APOBEC3C: variants seen among roughly 807,000 people sequenced by gnomAD.
APOBEC3C encodes apolipoprotein B mRNA editing enzyme catalytic subunit 3C.
In APOBEC3C, 14 loss-of-function variants were observed where a neutral mutation model predicts 20.6. The observed-to-expected ratio is 0.68, with a 90% CI of 0.45 to 1.06. The LOEUF (loss-of-function observed/expected upper bound fraction) is 1.06. APOBEC3C is among the 50% of genes least tolerant of loss of function. The pLI, the probability that APOBEC3C is intolerant of heterozygous loss-of-function variation, is 0.00. For missense variants in APOBEC3C, 244 were observed against 241.9 expected (o/e 1.01, Z -0.06); for synonymous variants, 98 against 88.8 (o/e 1.10, Z -0.58).
rs899655435 is a variant in APOBEC3C at position 39,019,335 on chromosome 22, A to G, written c.*948A>G. On this transcript the variant is annotated 3_prime_UTR_variant, in exon 4 of 4. Coordinates refer to ENST00000361441, the MANE Select transcript of APOBEC3C (RefSeq NM_014508.3). ...AACCTCCCAGCTCCCAGCCCTTCCT[A>G]GTGCCCATGGGCTTTACATAGGGCA... is the stretch of plus-strand genomic sequence containing the variant. 6.6e-6 allele frequency: 1 copy of G among 152,214 alleles called. No homozygotes were observed. Among genetic ancestry groups the G allele is most frequent in the Non-Finnish European group, 1.5e-5 (1 of 68,046 alleles). 9.4% of individuals were successfully genotyped at this position (152,214 alleles called of 1,614,324 possible). A position where few individuals can be genotyped will look rare whatever the true frequency, so the allele number is the denominator to read the frequency against.
rs1205344266 is a variant in APOBEC3C, at chr22:39,020,171, C to G, written c.*1784C>G. 6.6e-6 allele frequency: 1 copy of G among 152,202 alleles called. No individual in the cohort carries two copies. The highest frequency in any genetic ancestry group is 6.5e-5 in the Admixed American group (1 of 15,270). The allele number at this position is 152,202 out of a possible 1,614,324, so 9.4% of individuals were successfully genotyped here. Reference sequence around the variant, plus strand: ...CCTACATGAATATTCATAGCTCCTCCTGTAGCCTGTTGAATATGTATGTTT... The same window carrying G: ...CCTACATGAATATTCATAGCTCCTCGTGTAGCCTGTTGAATATGTATGTTT... On this transcript the variant is annotated 3_prime_UTR_variant, in exon 4 of 4. Coordinates refer to ENST00000361441, the MANE Select transcript of APOBEC3C (RefSeq NM_014508.3).
chr22:39,016,905 T>A (rs1334856264), intron 2 of APOBEC3C, among the ~76,000 whole-genome samples: 1 of 151,754 alleles, frequency 6.6e-6, no homozygotes, highest in East Asian at 1.9e-4. Flanking sequence ...CACACATGAG[T>A]CTATGAGACA....
chr22:39,018,079 G>A, intron 3 of APOBEC3C, 34 bp downstream of exon 3: 2 of 1,608,608 alleles, frequency 1.2e-6, no homozygotes, highest in Non-Finnish European at 1.7e-6. Flanking sequence ...AGTGGGTGCA[G>A]GAGGGACAGC....
chr22:39,017,956 G>A lies in APOBEC3C; in HGVS notation c.365G>A (p.Arg122His), dbSNP rs1411054991. The change falls in exon 3 of 4, where the codon CGC becomes CAC. Residue 122 changes from arginine (R) to histidine (H), a missense_variant. By Grantham distance (29) the Arg-to-His change is conservative. Coordinates refer to ENST00000361441, the MANE Select transcript of APOBEC3C (RefSeq NM_014508.3). ...GTGAATCTCACCATCTTCACCGCCC[G>A]CCTCTACTACTTCCAGTATCCATGT... ...SNVNLTIFTARLYYFQYPCYQ... is the reference protein window; with the variant it reads ...SNVNLTIFTAHLYYFQYPCYQ... 3.1e-6 allele frequency: 5 copies of A among 1,614,086 alleles called. No individual in the cohort carries two copies. Among genetic ancestry groups the A allele is most frequent in the Admixed American group, 1.7e-5 (1 of 60,002 alleles).
intron 2 of APOBEC3C, among the ~76,000 whole-genome samples, chr22:39,016,388 T>TC (rs1924787372): frequency 6.8e-6 from 1 of 147,324 alleles, no homozygotes; most frequent in African/African-American, 2.5e-5. Flanking sequence ...TTTCTTTTTT[T>TC]TTTTTTTTTT....
At chr22:39,015,856 C>G in intron 2 of APOBEC3C, 105 bp downstream of exon 2, 1 of 1,017,704 alleles carries the variant, frequency 9.8e-7, no homozygotes, top group African/African-American at 1.7e-5. Context: ...CCTGTGTGCA[C>G]TTTCCTGCCA....
In APOBEC3C at chr22:39,020,051, C is replaced by T. The variant is rs577741593; in HGVS notation, c.*1664C>T. The T allele has an allele frequency of 3.3e-5, 5 of 152,318 alleles. No individual in the cohort carries two copies. In the East Asian group the frequency reaches 5.8e-4, roughly 18 times the overall value. 9.4% of individuals were successfully genotyped at this position (152,318 alleles called of 1,614,324 possible). A position where few individuals can be genotyped will look rare whatever the true frequency, so the allele number is the denominator to read the frequency against. On this transcript the variant is annotated 3_prime_UTR_variant, in exon 4 of 4. Coordinates refer to ENST00000361441, the MANE Select transcript of APOBEC3C (RefSeq NM_014508.3). ...CCTCAGGTGATCCGCCTGTCTCAGC[C>T]TCTCCAAGTGCTGGGATTACAGGCA...
chr22:39,015,810 A>G (rs1901005372), intron 2 of APOBEC3C, 59 bp downstream of exon 2: 15 of 1,555,926 alleles, frequency 9.6e-6, no homozygotes, highest in Admixed American at 3.8e-5. Flanking sequence ...GAATGCAGAA[A>G]ACGCAACAAT....
intron 1 of APOBEC3C, 68 bp from the exon 2 acceptor site, chr22:39,015,527 G>A: frequency 6.4e-7 from 1 of 1,552,280 alleles, no homozygotes; most frequent in Non-Finnish European, 8.7e-7. Flanking sequence ...GCTGTGTTCA[G>A]TGGGCATCAG....
chr22:39,018,467 GCT>G lies in APOBEC3C; in HGVS notation c.*83_*84del. ...CGGGCCTCCCCTCCACCCTGGACCC[GCT>G]CTGTTTCTGCCTGGTCATCCTGAGC... is the stretch of plus-strand genomic sequence containing the variant. On this transcript the variant is annotated 3_prime_UTR_variant, in exon 4 of 4. Coordinates refer to ENST00000361441, the MANE Select transcript of APOBEC3C (RefSeq NM_014508.3). 6.6e-7 allele frequency: 1 copy of G among 1,511,838 alleles called. No individual in the cohort carries two copies. The highest frequency in any genetic ancestry group is 9.0e-7 in the Non-Finnish European group (1 of 1,111,406). The allele number at this position is 1,511,838 out of a possible 1,614,324, so 93.7% of individuals were successfully genotyped here. A position where few individuals can be genotyped will look rare whatever the true frequency, so the allele number is the denominator to read the frequency against.
At chr22:39,014,422 C>T (rs1387856808) in intron 1 of APOBEC3C, 43 bp downstream of exon 1, 1 of 1,613,438 alleles carries the variant, frequency 6.2e-7, no homozygotes, top group South Asian at 1.1e-5. Context: ...CCTGCCACTT[C>T]CTGCCAGGCG....
intron 1 of APOBEC3C, among the ~76,000 whole-genome samples, chr22:39,014,740 A>T (rs984176819): frequency 1.3e-5 from 2 of 152,212 alleles, no homozygotes; most frequent in African/African-American, 4.8e-5. Context: ...TGATTTGAGC[A>T]ATCAGGCATT....
intron 3 of APOBEC3C, 33 bp from the exon 4 acceptor site, chr22:39,018,236 G>A (rs902003343): frequency 1.2e-6 from 2 of 1,604,808 alleles, no homozygotes; most frequent in Non-Finnish European, 1.7e-6. Flanking sequence ...AGGCCTGCTG[G>A]GCCCTCACTG....
At chr22:39,014,932 G>A (rs957341797) in intron 1 of APOBEC3C, among the ~76,000 whole-genome samples, 1 of 152,128 alleles carries the variant, frequency 6.6e-6, no homozygotes, top group African/African-American at 2.4e-5. Context: ...CCTCCTCTGT[G>A]AGCACCGTTC....
At position 39,015,763 on chromosome 22, in the gene APOBEC3C, G is replaced by C; in HGVS notation, c.174+12G>C. 2.5e-6 allele frequency: 4 copies of C among 1,611,950 alleles called. No individual in the cohort carries two copies. Among genetic ancestry groups the C allele is most frequent in the Non-Finnish European group, 3.4e-6 (4 of 1,179,128 alleles). On this transcript the variant is annotated intron_variant, in intron 2 of 3. Coordinates refer to ENST00000361441, the MANE Select transcript of APOBEC3C (RefSeq NM_014508.3). ...TCTTCCGAAACCAGGTAGCACCAAA[G>C]TCCTAGTTACACCCTAAATAGGAGC...
At position 39,014,278 on chromosome 22, in the gene APOBEC3C, C is replaced by G; in HGVS notation, c.-85C>G. ...GGTCACTTTAAAGAGGGCTGCTCAACTGCAAGGACGCTGTAAGCAGGAAGA... is the reference window on the plus strand; with the variant it reads ...GGTCACTTTAAAGAGGGCTGCTCAAGTGCAAGGACGCTGTAAGCAGGAAGA... On this transcript the variant is annotated 5_prime_UTR_variant, in exon 1 of 4. Transcript: ENST00000361441. 1.9e-6 allele frequency: 3 copies of G among 1,576,630 alleles called. No homozygotes were observed. Among genetic ancestry groups the G allele is most frequent in the Middle Eastern group, 3.4e-4 (2 of 5,962 alleles).
intron 2 of APOBEC3C, 32 bp downstream of exon 2, chr22:39,015,783 A>G (rs768590792): frequency 6.2e-7 from 1 of 1,602,486 alleles, no homozygotes; most frequent in Admixed American, 1.7e-5. Flanking sequence ...CACCCTAAAT[A>G]GGAGCTAAGC....
Position 39,015,760 on chromosome 22 carries a change from A to T in APOBEC3C, c.174+9A>T, listed in dbSNP as rs1348581431. 1 of 1,613,086 alleles carries T rather than the reference A, an allele frequency of 6.2e-7. No individual in the cohort carries two copies. On this transcript the variant is annotated intron_variant, in intron 2 of 3. Coordinates refer to ENST00000361441, the MANE Select transcript of APOBEC3C (RefSeq NM_014508.3). ...GCGTCTTCCGAAACCAGGTAGCACCAAAGTCCTAGTTACACCCTAAATAGG... is the reference window on the plus strand; with the variant it reads ...GCGTCTTCCGAAACCAGGTAGCACCTAAGTCCTAGTTACACCCTAAATAGG...
chr22:39,018,124 G>A lies in APOBEC3C; in HGVS notation c.454+79G>A, dbSNP rs1021243217. 60 of 1,583,228 alleles carry A rather than the reference G, an allele frequency of 3.8e-5. No individual in the cohort carries two copies. The Admixed American group carries it at 5.6e-4, about 15-fold the overall frequency. ...AGATGGTTCTCCAATGCTGTGGGGC[G>A]GGTCAGTGTCCCCTGGGTGTCTGTG... On this transcript the variant is annotated intron_variant, in intron 3 of 3. Coordinates refer to ENST00000361441, the MANE Select transcript of APOBEC3C (RefSeq NM_014508.3).
Sources: allele counts gnomAD v4.1 joint callset (sites outside exome capture counted in the v4.1 genomes callset), GRCh38; gene constraint gnomAD v4.1.1; transcripts MANE v1.5; gene names NCBI Gene and HGNC (gene_info 2026-07-23, HGNC 2026-07-21).